Variants in FAAH2 observed in about 807,000 individuals in gnomAD.
The protein encoded by FAAH2 is fatty-acid amide hydrolase 2.
A neutral mutation model predicts 36.9 loss-of-function variants in FAAH2; 60 were observed. The ratio of observed to expected loss-of-function variants is 1.63; its 90% CI spans 1.32 to 2.02. FAAH2 has a LOEUF of 2.02. Among genes scored for constraint, FAAH2 ranks in the 30% most tolerant of loss-of-function variants. The probability of loss-of-function intolerance (pLI) is 0.00; values close to 1 mark genes in which losing one functional copy is unlikely to be tolerated. For synonymous variants in FAAH2, 214 were observed against 143.8 expected (o/e 1.49, Z -3.49); for missense variants, 689 against 397.5 (o/e 1.73, Z -6.23).
intron 7 of FAAH2, among the ~76,000 whole-genome samples, chrX:57,419,388 T>C (rs1188026604): frequency 2.7e-5 from 3 of 111,699 alleles, no homozygotes; most frequent in Admixed American, 1.9e-4. Context: ...TGTTGTTTCC[T>C]GGCTTTTTAA....
At chrX:57,124,335 A>C in the FAAH2 span, among the ~76,000 whole-genome samples, 2 of 111,253 alleles carry the variant, frequency 1.8e-5, no homozygotes, top group African/African-American at 6.5e-5. Flanking sequence ...GTTATTTCTG[A>C]GGGCTCTGTT....
At chrX:57,446,562 A>G (rs909579681) in intron 8 of FAAH2, among the ~76,000 whole-genome samples, 1 of 112,115 alleles carries the variant, frequency 8.9e-6, no homozygotes, top group African/African-American at 3.2e-5. Flanking sequence ...CGTACTCATT[A>G]TCAGTCACTC....
At chrX:57,443,341 G>T (rs2056604583) in intron 8 of FAAH2, among the ~76,000 whole-genome samples, 1 of 111,386 alleles carries the variant, frequency 9.0e-6, no homozygotes, top group Non-Finnish European at 1.9e-5. Flanking sequence ...TTCTGTTCTT[G>T]CTTCATTTCA....
chrX:57,169,954 C>G, the FAAH2 span, among the ~76,000 whole-genome samples: 1 of 110,100 alleles, frequency 9.1e-6, no homozygotes, highest in South Asian at 3.9e-4. Context: ...ACTATGTGGC[C>G]TATTTCAACT....
rs139877072 is a variant in FAAH2, at chrX:57,462,261, C to T, written c.1423+13543C>T. ...GCAGTTGGTACTATTCCTTCTGAAA[C>T]GATTCCGAAGAATAGAAGAAGAGGG... On this transcript the variant is annotated intron_variant, in intron 10 of 10. Coordinates refer to ENST00000374900, the MANE Select transcript of FAAH2 (RefSeq NM_174912.4). Among the ~76,000 whole-genome samples, 719 of 108,490 alleles carry T rather than the reference C, an allele frequency of 6.6e-3. 1 individual carries two copies. The highest frequency in any genetic ancestry group is 0.011 in the Non-Finnish European group (554 of 52,397). 94.2% of individuals were successfully genotyped at this position (108,490 alleles called of 115,157 possible).
At position 57,431,931 on chromosome X, in the gene FAAH2, T is replaced by G. The variant is rs1031791517; in HGVS notation, c.1010T>G (p.Leu337Arg). 4 of 1,198,809 alleles carry G rather than the reference T, an allele frequency of 3.3e-6. No homozygotes were observed. The highest frequency in any genetic ancestry group is 2.3e-4 in the Middle Eastern group (1 of 4,339). ...TTCTTTTATAAGGTTGTGGTTCACC[T>G]TGAAACTATTCTAGGAGCCTCAGTT... ...IMTQKKVVVH[L>R]ETILGASVQH... is the part of the protein sequence containing the mutation. Residue 337 changes from leucine (L) to arginine (R), a missense_variant, in exon 8 of 11, where the codon CTT (leucine) becomes CGT (arginine). Physicochemically the swap from Leu to Arg is moderately radical, Grantham distance 102. Transcript: ENST00000374900.
intron 10 of FAAH2, among the ~76,000 whole-genome samples, chrX:57,453,247 G>GA (rs1203722034): frequency 8.9e-6 from 1 of 112,414 alleles, no homozygotes; most frequent in African/African-American, 3.2e-5. Flanking sequence ...CAGAGGTAGA[G>GA]AAAAATCAGA....
chrX:57,190,503 A>C, the FAAH2 span, among the ~76,000 whole-genome samples: 3 of 109,290 alleles, frequency 2.7e-5, no homozygotes, highest in Non-Finnish European at 5.7e-5. Flanking sequence ...ACAGCCGCCC[A>C]GTTTTGTGCT....
intron 4 of FAAH2, among the ~76,000 whole-genome samples, chrX:57,337,356 A>T: frequency 9.0e-6 from 1 of 110,627 alleles, no homozygotes; most frequent in East Asian, 2.8e-4. Flanking sequence ...ATTTCTACTG[A>T]AATTATTCCA....
At position 57,381,056 on chromosome X, in the gene FAAH2, A is replaced by T. The variant is rs1358228343; in HGVS notation, c.996+27A>T. The T allele has an allele frequency of 2.8e-6, 3 of 1,064,310 alleles. No individual in the cohort carries two copies. The African/African-American group carries it at 5.6e-5, about 20-fold the overall frequency. 87.7% of individuals were successfully genotyped at this position (1,064,310 alleles called of 1,213,427 possible). On this transcript the variant is annotated intron_variant, in intron 7 of 10. Transcript: ENST00000374900. ...TAATTTTAAATAAAATTTGTTTAGG[A>T]ATTATTTTTAGTCAAAGAGATATCC...
the FAAH2 span, among the ~76,000 whole-genome samples, chrX:57,231,706 A>G: frequency 8.9e-6 from 1 of 112,260 alleles, no homozygotes; most frequent in Non-Finnish European, 1.9e-5. Flanking sequence ...AATAAGAATT[A>G]GAAATGAAAT....
At chrX:57,216,559 TATATAC>T in the FAAH2 span, among the ~76,000 whole-genome samples, 28 of 48,404 alleles carry the variant, frequency 5.8e-4, no homozygotes, top group African/African-American at 3.5e-3. Flanking sequence ...TGTATATATA[TATATAC>T]GTATATGTAT....
the FAAH2 span, among the ~76,000 whole-genome samples, chrX:57,210,442 G>C: frequency 1.8e-5 from 2 of 111,900 alleles, no homozygotes; most frequent in Non-Finnish European, 3.8e-5. Flanking sequence ...TTACAAGAAG[G>C]CATGCCTGTT....
chrX:57,454,315 C>T (rs999643061), intron 10 of FAAH2, among the ~76,000 whole-genome samples: 1 of 112,452 alleles, frequency 8.9e-6, no homozygotes, highest in African/African-American at 3.2e-5. Context: ...ACAAAGCCAG[C>T]TGACTATCCT....
At chrX:57,290,253 G>C in intron 1 of FAAH2, 1 of 746,919 alleles carries the variant, frequency 1.3e-6, no homozygotes, top group Non-Finnish European at 1.6e-6. Context: ...TACGGTAGCA[G>C]TGGCAGTTGA....
intron 4 of FAAH2, among the ~76,000 whole-genome samples, chrX:57,334,919 C>T (rs749918942): frequency 3.0e-4 from 34 of 111,664 alleles, no homozygotes; most frequent in African/African-American, 1.0e-3. Context: ...TAACACCCCA[C>T]TGAAAATATC....
the FAAH2 span, among the ~76,000 whole-genome samples, chrX:57,258,770 G>A: frequency 9.7e-6 from 1 of 103,359 alleles, no homozygotes; most frequent in Non-Finnish European, 2.0e-5. Context: ...GTGCAGTGGC[G>A]CTACCTAGGC....
At chrX:57,419,476 G>A (rs1399024671) in intron 7 of FAAH2, among the ~76,000 whole-genome samples, 4 of 112,327 alleles carry the variant, frequency 3.6e-5, no homozygotes, top group African/African-American at 1.3e-4. Context: ...CAGTGATGGT[G>A]AGCATTTTTT....
the FAAH2 span, among the ~76,000 whole-genome samples, chrX:57,211,011 A>G: frequency 1.8e-5 from 2 of 112,274 alleles, no homozygotes; most frequent in African/African-American, 6.5e-5. Context: ...AGTCCTCAAA[A>G]TTAGATCATT....
Sources: allele counts gnomAD v4.1 joint callset (sites outside exome capture counted in the v4.1 genomes callset), GRCh38; gene constraint gnomAD v4.1.1; transcripts MANE v1.5; gene names NCBI Gene and HGNC (gene_info 2026-07-23, HGNC 2026-07-21).